The following RFTN2 variants were observed in gnomAD, a reference collection of about 807,000 sequenced individuals.
RFTN2 encodes the protein raftlin-2.
Under a neutral mutation model 52.7 loss-of-function variants are expected in RFTN2, and 34 were observed. The observed-to-expected ratio is 0.64, with a 90% CI of 0.49 to 0.86. RFTN2 has a LOEUF of 0.86. Ranked by LOEUF, RFTN2 falls within the 40% of genes least tolerant of loss-of-function variation. The probability of loss-of-function intolerance (pLI) is 0.00; values close to 1 mark genes in which losing one functional copy is unlikely to be tolerated. For missense variants in RFTN2, 536 were observed against 600.1 expected (o/e 0.89, Z 1.12); for synonymous variants, 203 against 217.7 (o/e 0.93, Z 0.59).
intron 8 of RFTN2, among the ~76,000 whole-genome samples, chr2:197,591,704 C>T (rs936052386): frequency 1.3e-5 from 2 of 152,068 alleles, no homozygotes; most frequent in African/African-American, 2.4e-5. Flanking sequence ...CCCTGCCCGG[C>T]GGGGAGGCAG....
chr2:197,645,617 TTAAAA>T (rs2088736731), intron 2 of RFTN2, among the ~76,000 whole-genome samples: 1 of 152,196 alleles, frequency 6.6e-6, no homozygotes, highest in African/African-American at 2.4e-5. Flanking sequence ...AAAGTAGCTA[TTAAAA>T]TAAAAAACAC....
At chr2:197,631,808 T>A (rs2088473544) in intron 4 of RFTN2, among the ~76,000 whole-genome samples, 2 of 152,198 alleles carry the variant, frequency 1.3e-5, no homozygotes, top group Non-Finnish European at 2.9e-5. Context: ...TCTGCTTTAC[T>A]AGGAATTGGC....
intron 3 of RFTN2, among the ~76,000 whole-genome samples, chr2:197,640,383 C>G (rs866503787): frequency 2.1e-5 from 3 of 142,710 alleles, no homozygotes; most frequent in Non-Finnish European, 4.8e-5. Context: ...TAGCAATCAG[C>G]GAGACTCCGT....
chr2:197,648,189 C>G (rs1431073565), intron 1 of RFTN2, among the ~76,000 whole-genome samples: 1 of 152,168 alleles, frequency 6.6e-6, no homozygotes, highest in African/African-American at 2.4e-5. Context: ...ATCCCCTCCT[C>G]CCCTTACATC....
In RFTN2 at chr2:197,629,731, A is replaced by ATTTTT. The variant is rs386392250; in HGVS notation, c.928+1275_928+1279dup. Among the ~76,000 whole-genome samples the ATTTTT allele has an allele frequency of 3.8e-3, 557 of 147,048 alleles. 5 individuals carry two copies. The highest frequency in any genetic ancestry group is 0.014 in the Middle Eastern group (4 of 288). ...ATTTTATTTTATTTTATTTTATTTT[A>ATTTTT]TTTTTTTTTGAGACAGTGTCTTACT... On this transcript the variant is annotated intron_variant, in intron 5 of 8. Transcript: ENST00000295049.
At chr2:197,587,040 C>A (rs1175229850) in intron 8 of RFTN2, among the ~76,000 whole-genome samples, 1 of 152,168 alleles carries the variant, frequency 6.6e-6, no homozygotes, top group Non-Finnish European at 1.5e-5. Context: ...TCTTTAATAC[C>A]TGTTCTTCTC....
At chr2:197,648,131 G>C (rs2088779047) in intron 1 of RFTN2, among the ~76,000 whole-genome samples, 1 of 152,138 alleles carries the variant, frequency 6.6e-6, no homozygotes, top group Non-Finnish European at 1.5e-5. Context: ...GATTGCCTGA[G>C]CACAGGAAGG....
chr2:197,631,601 A>T (rs183129457), intron 4 of RFTN2, among the ~76,000 whole-genome samples: 6 of 152,356 alleles, frequency 3.9e-5, no homozygotes, highest in Admixed American at 3.9e-4. Flanking sequence ...CCTTTTGTTC[A>T]ACATGCCTTT....
At chr2:197,584,805 C>G (rs2087570095) in intron 8 of RFTN2, among the ~76,000 whole-genome samples, 1 of 152,178 alleles carries the variant, frequency 6.6e-6, no homozygotes. Context: ...ATCCCAGACA[C>G]CAGTCCTCTA....
chr2:197,606,609 C>T (rs1268483735), intron 7 of RFTN2, among the ~76,000 whole-genome samples: 3 of 151,792 alleles, frequency 2.0e-5, no homozygotes, highest in Non-Finnish European at 4.4e-5. Flanking sequence ...CCAGAATCTA[C>T]AATGAACTCA....
intron 1 of RFTN2, among the ~76,000 whole-genome samples, chr2:197,667,456 A>G (rs2089078106): frequency 6.6e-6 from 1 of 151,890 alleles, no homozygotes; most frequent in Non-Finnish European, 1.5e-5. Context: ...TTTGTTTGTG[A>G]TCTGTTGCCT....
chr2:197,656,524 G>T (rs1394902894), intron 1 of RFTN2, among the ~76,000 whole-genome samples: 1 of 152,142 alleles, frequency 6.6e-6, no homozygotes, highest in Non-Finnish European at 1.5e-5. Context: ...AAGTAAACAC[G>T]CAAATAGACA....
intron 3 of RFTN2, among the ~76,000 whole-genome samples, chr2:197,634,307 C>G (rs865889869): frequency 2.0e-5 from 3 of 152,056 alleles, no homozygotes; most frequent in South Asian, 2.1e-4. Flanking sequence ...TTTTGCAGAC[C>G]GTTTAACAAT....
chr2:197,584,829 C>T (rs1026195741), intron 8 of RFTN2, among the ~76,000 whole-genome samples: 22 of 152,278 alleles, frequency 1.4e-4, no homozygotes, highest in African/African-American at 4.6e-4. Flanking sequence ...GACTATCTTC[C>T]AGTCCTCCAG....
chr2:197,674,339 C>CAAAAAAAAGA (rs2089186930), intron 1 of RFTN2, among the ~76,000 whole-genome samples: 1 of 34,266 alleles, frequency 2.9e-5, no homozygotes, highest in African/African-American at 1.2e-4. Flanking sequence ...TAGAGCAAAG[C>CAAAAAAAAGA]AAAAAAAAAA....
intron 5 of RFTN2, among the ~76,000 whole-genome samples, chr2:197,628,205 A>G (rs1233705171): frequency 1.3e-5 from 2 of 152,186 alleles, no homozygotes. Context: ...GTGTACTCCC[A>G]GGAAAGTCCC....
intron 1 of RFTN2, among the ~76,000 whole-genome samples, chr2:197,670,076 G>T (rs2089122844): frequency 6.6e-6 from 1 of 152,146 alleles, no homozygotes; most frequent in Non-Finnish European, 1.5e-5. Context: ...TGTAATTGTA[G>T]TTCCTCTGTT....
chr2:197,663,671 ATGT>A (rs2089009504), intron 1 of RFTN2, among the ~76,000 whole-genome samples: 3 of 151,994 alleles, frequency 2.0e-5, no homozygotes, highest in Admixed American at 2.0e-4. Context: ...ATCAGTTGTA[ATGT>A]CTCCTTTTTC....
At chr2:197,620,376 G>T (rs2088242192) in intron 5 of RFTN2, among the ~76,000 whole-genome samples, 1 of 152,122 alleles carries the variant, frequency 6.6e-6, no homozygotes, top group East Asian at 1.9e-4. Flanking sequence ...TGCTATAGGA[G>T]ACATTTTTCC....
Sources: allele counts gnomAD v4.1 joint callset (sites outside exome capture counted in the v4.1 genomes callset), GRCh38; gene constraint gnomAD v4.1.1; transcripts MANE v1.5; gene names NCBI Gene and HGNC (gene_info 2026-07-23, HGNC 2026-07-21).